PPARGC1A: variants seen among roughly 807,000 people sequenced by gnomAD.
PPARGC1A encodes the protein peroxisome proliferator-activated receptor gamma coactivator 1-alpha.
In PPARGC1A, 25 loss-of-function variants were observed where a neutral mutation model predicts 88.7. The observed-to-expected ratio is 0.28, with a 90% confidence interval of 0.21 to 0.39. PPARGC1A has a LOEUF of 0.39. Ranked by LOEUF, PPARGC1A falls within the 10% of genes least tolerant of loss-of-function variation. The pLI is 1.00. For synonymous variants in PPARGC1A, 363 were observed against 355.6 expected (o/e 1.02, Z -0.24); for missense variants, 880 against 968.7 (o/e 0.91, Z 1.22).
At chr4:24,460,219 A>T in the PPARGC1A span, among the ~76,000 whole-genome samples, 3 of 152,246 alleles carry the variant, frequency 2.0e-5, no homozygotes, top group South Asian at 6.2e-4. Context: ...CAAGCATTTT[A>T]ACATAACTCC....
At chr4:24,133,919 A>C in the PPARGC1A span, among the ~76,000 whole-genome samples, 1 of 152,198 alleles carries the variant, frequency 6.6e-6, no homozygotes, top group Non-Finnish European at 1.5e-5. Flanking sequence ...ATACAATCAT[A>C]GCAAAAGAAC....
At chr4:24,384,558 C>CA in the PPARGC1A span, among the ~76,000 whole-genome samples, 2,577 of 53,864 alleles carry the variant, frequency 0.048, 76 homozygotes, top group African/African-American at 0.094. Flanking sequence ...AAATGGAAAG[C>CA]AAAAAAAAAA....
chr4:24,193,883 C>T, the PPARGC1A span, among the ~76,000 whole-genome samples: 4 of 152,142 alleles, frequency 2.6e-5, no homozygotes, highest in African/African-American at 9.7e-5. Flanking sequence ...AATCCCAGCA[C>T]TTTGGGAGGC....
the PPARGC1A span, among the ~76,000 whole-genome samples, chr4:24,142,919 A>G: frequency 6.6e-6 from 1 of 152,142 alleles, no homozygotes; most frequent in South Asian, 2.1e-4. Context: ...CGCATAGCTG[A>G]GGCTGGATGC....
chr4:24,408,179 A>T, the PPARGC1A span, among the ~76,000 whole-genome samples: 53 of 152,244 alleles, frequency 3.5e-4, no homozygotes, highest in Non-Finnish European at 7.2e-4. Flanking sequence ...AACATCATGG[A>T]TACATACAGC....
At chr4:24,158,195 C>T in the PPARGC1A span, among the ~76,000 whole-genome samples, 1 of 152,168 alleles carries the variant, frequency 6.6e-6, no homozygotes, top group African/African-American at 2.4e-5. Context: ...CCCCTCCCAT[C>T]ATTCAGGTTG....
At chr4:23,904,377 A>C (rs138743655), upstream of PPARGC1A, among the ~76,000 whole-genome samples, 145 of 152,090 alleles carry the variant, frequency 9.5e-4, no homozygotes, top group South Asian at 0.011. Flanking sequence ...CAGTACTGTA[A>C]TTTTTCCTTG....
chr4:23,796,683 C>G (rs781557563), intron 12 of PPARGC1A, among the ~76,000 whole-genome samples: 3 of 151,986 alleles, frequency 2.0e-5, no homozygotes, highest in Non-Finnish European at 2.9e-5. Flanking sequence ...GTTAAATATT[C>G]CTGGTTTTTC....
At chr4:24,320,351 A>C in the PPARGC1A span, among the ~76,000 whole-genome samples, 3 of 152,190 alleles carry the variant, frequency 2.0e-5, no homozygotes, top group African/African-American at 7.2e-5. Context: ...AATAAACACC[A>C]CACCATTAAT....
chr4:24,072,422 C>G, the PPARGC1A span, among the ~76,000 whole-genome samples: 1 of 151,778 alleles, frequency 6.6e-6, no homozygotes, highest in Non-Finnish European at 1.5e-5. Context: ...TTACCTGACC[C>G]TAATTTCCCT....
chr4:24,271,431 G>A, the PPARGC1A span, among the ~76,000 whole-genome samples: 93,127 of 151,930 alleles, frequency 0.61, 28,962 homozygotes, highest in South Asian at 0.78. Flanking sequence ...TGGCTGGAGT[G>A]CAGTGGCACA....
the PPARGC1A span, among the ~76,000 whole-genome samples, chr4:24,126,304 G>C: frequency 3.8e-5 from 4 of 105,918 alleles, no homozygotes; most frequent in South Asian, 3.5e-4. Context: ...CACACACACA[G>C]TCATTTTTTA....
intron 2 of PPARGC1A, among the ~76,000 whole-genome samples, chr4:23,844,872 A>ATAATAATATATGATATATAT (rs758118797): frequency 0.16 from 12,926 of 82,070 alleles, 2,359 homozygotes; most frequent in Non-Finnish European, 0.2. Context: ...GATATATATT[A>ATAATAATATATGATATATAT]TATACACACA....
At chr4:23,939,633 A>G in the PPARGC1A span, among the ~76,000 whole-genome samples, 3,717 of 152,272 alleles carry the variant, frequency 0.024, 150 homozygotes, top group East Asian at 0.094. Context: ...GGATTGAGGA[A>G]CAGCTAACCA....
chr4:23,994,516 G>A, the PPARGC1A span, among the ~76,000 whole-genome samples: 1 of 152,192 alleles, frequency 6.6e-6, no homozygotes, highest in African/African-American at 2.4e-5. Flanking sequence ...GCGGTGAGAA[G>A]AGCACACAAC....
intron 2 of PPARGC1A, among the ~76,000 whole-genome samples, chr4:23,853,262 A>G (rs1560447620): frequency 6.6e-6 from 1 of 152,142 alleles, no homozygotes; most frequent in African/African-American, 2.4e-5. Context: ...CATCTTTTAA[A>G]GGGGGAAAAG....
the PPARGC1A span, among the ~76,000 whole-genome samples, chr4:24,232,383 C>G: frequency 3.9e-5 from 6 of 152,192 alleles, no homozygotes; most frequent in African/African-American, 1.4e-4. Flanking sequence ...CTTTGCCAGC[C>G]TCCAATTTGT....
the PPARGC1A span, among the ~76,000 whole-genome samples, chr4:24,061,912 G>C: frequency 6.6e-6 from 1 of 152,114 alleles, no homozygotes; most frequent in Non-Finnish European, 1.5e-5. Context: ...CCACAATCTC[G>C]ATTGTTAATT....
chr4:24,242,966 A>T, the PPARGC1A span, among the ~76,000 whole-genome samples: 7 of 152,168 alleles, frequency 4.6e-5, no homozygotes, highest in Admixed American at 3.9e-4. Context: ...GCTGGAGTCA[A>T]ATTTTATGGT....
Sources: allele counts gnomAD v4.1 joint callset (sites outside exome capture counted in the v4.1 genomes callset), GRCh38; gene constraint gnomAD v4.1.1; transcripts MANE v1.5; gene names NCBI Gene and HGNC (gene_info 2026-07-23, HGNC 2026-07-21).